The following TRIM14 variants were observed in gnomAD, a reference collection of about 807,000 sequenced individuals.
TRIM14 encodes the protein tripartite motif-containing protein 14.
TRIM14 carries 28 observed loss-of-function variants against 44.5 expected under a neutral mutation model. The observed-to-expected ratio is 0.63, with a 90% CI of 0.47 to 0.86. The LOEUF (loss-of-function observed/expected upper bound fraction) is 0.86. Ranked by LOEUF, TRIM14 falls within the 40% of genes least tolerant of loss-of-function variation. The pLI is 0.00. For synonymous variants in TRIM14, 299 were observed against 269.2 expected, an observed-to-expected ratio of 1.11 and a Z score of -1.08; for missense variants, 607 against 611.1, an observed-to-expected ratio of 0.99 and a Z score of 0.07.
At chr9:98,060,808 C>G in the TRIM14 span, 3 of 1,613,972 alleles carry the variant, frequency 1.9e-6, no homozygotes, top group Non-Finnish European at 2.5e-6. Context: ...GTGCTAAGTT[C>G]CAGAAGAGTG....
At chr9:98,041,722 G>A in the TRIM14 span, among the ~76,000 whole-genome samples, 293 of 150,404 alleles carry the variant, frequency 1.9e-3, 1 homozygote, top group Middle Eastern at 3.4e-3. Flanking sequence ...TTGTTCTGTC[G>A]CCCAGGCTGG....
At chr9:98,063,070 A>G in the TRIM14 span, among the ~76,000 whole-genome samples, 1 of 150,510 alleles carries the variant, frequency 6.6e-6, no homozygotes. Context: ...CCAAGTATGC[A>G]TGCACCACCA....
chr9:98,036,136 G>A, the TRIM14 span, among the ~76,000 whole-genome samples: 2 of 151,820 alleles, frequency 1.3e-5, no homozygotes, highest in Non-Finnish European at 2.9e-5. Context: ...AGCGGAGGTT[G>A]CAGTGAGCAG....
chr9:98,050,750 T>C, the TRIM14 span, among the ~76,000 whole-genome samples: 1 of 152,124 alleles, frequency 6.6e-6, no homozygotes, highest in East Asian at 1.9e-4. Context: ...CAGCGTGTCA[T>C]TCATAGGTTA....
chr9:98,042,629 T>A, the TRIM14 span, among the ~76,000 whole-genome samples: 1 of 152,334 alleles, frequency 6.6e-6, no homozygotes, highest in African/African-American at 2.4e-5. Context: ...CCCAGCACTT[T>A]GGGAGGCCGA....
At chr9:98,089,187 T>G (rs574817817) in intron 5 of TRIM14, among the ~76,000 whole-genome samples, 4 of 152,184 alleles carry the variant, frequency 2.6e-5, no homozygotes, top group Middle Eastern at 3.4e-3. Context: ...TTATTTTTAT[T>G]TTTTTTAAGA....
chr9:98,102,971 G>A (rs1213784437), intron 2 of TRIM14, among the ~76,000 whole-genome samples: 1 of 152,146 alleles, frequency 6.6e-6, no homozygotes, highest in East Asian at 1.9e-4. Context: ...CAGATCATGA[G>A]GTCAGGAGTT....
At position 98,119,118 on chromosome 9, in the gene TRIM14, C is replaced by A; in HGVS notation, c.71G>T (p.Cys24Phe). The change falls in exon 1 of 6, where the codon TGC (cysteine) becomes TTC (phenylalanine). Residue 24 changes from cysteine to phenylalanine, a missense_variant. Physicochemically the swap from Cys to Phe is radical, Grantham distance 205. Coordinates refer to ENST00000341469, the MANE Select transcript of TRIM14 (RefSeq NM_014788.4). ...SELVEGCGWR[C>F]PEHGDRVAEL... Reference sequence around the variant, plus strand: ...AGCCACGCGGTCGCCATGCTCCGGGCAGCGCCAGCCGCATCCCTCGACAAG... The same window carrying A: ...AGCCACGCGGTCGCCATGCTCCGGGAAGCGCCAGCCGCATCCCTCGACAAG... 1 of 1,587,138 alleles carries A rather than the reference C, an allele frequency of 6.3e-7. No individual in the cohort carries two copies. Among genetic ancestry groups the A allele is most frequent in the Non-Finnish European group, 8.5e-7 (1 of 1,176,128 alleles).
At chr9:98,118,770 A>T (rs556856096) in intron 1 of TRIM14, among the ~76,000 whole-genome samples, 1 of 152,198 alleles carries the variant, frequency 6.6e-6, no homozygotes, top group African/African-American at 2.4e-5. Flanking sequence ...CTGAAGCTCA[A>T]CTGATGGCTT....
At chr9:98,107,215 G>A (rs1826647659) in intron 2 of TRIM14, among the ~76,000 whole-genome samples, 2 of 152,164 alleles carry the variant, frequency 1.3e-5, no homozygotes, top group African/African-American at 4.8e-5. Context: ...AACCACTCTG[G>A]AAAAGCGTTT....
downstream of TRIM14, chr9:98,080,862 A>G: frequency 6.2e-7 from 1 of 1,612,094 alleles, no homozygotes; most frequent in Non-Finnish European, 8.5e-7. Context: ...TATTCTGGGC[A>G]TGAAACAGGC....
At chr9:98,076,706 C>T (rs114643249) in intron 6 of TRIM14, 20 of 531,808 alleles carry the variant, frequency 3.8e-5, no homozygotes, top group African/African-American at 2.6e-4. Context: ...CAGCACCAAA[C>T]GTTTGTTGGG....
the TRIM14 span, chr9:98,060,747 A>G: frequency 3.1e-6 from 5 of 1,603,102 alleles, no homozygotes; most frequent in Non-Finnish European, 4.3e-6. Flanking sequence ...AGAATCTACG[A>G]CAGTCACTGA....
chr9:98,054,307 A>G, the TRIM14 span, among the ~76,000 whole-genome samples: 1 of 152,172 alleles, frequency 6.6e-6, no homozygotes, highest in South Asian at 2.1e-4. Context: ...CTAACCAAGA[A>G]TTCCAAGAGT....
At chr9:98,059,148 C>T in the TRIM14 span, among the ~76,000 whole-genome samples, 5 of 151,748 alleles carry the variant, frequency 3.3e-5, no homozygotes, top group East Asian at 1.9e-4. Context: ...CTCAGCCTCC[C>T]GAGTAGCTGG....
At chr9:98,088,408 G>A (rs771399551) in intron 5 of TRIM14, among the ~76,000 whole-genome samples, 1 of 151,668 alleles carries the variant, frequency 6.6e-6, no homozygotes, top group Non-Finnish European at 1.5e-5. Context: ...AGGCTGGAGT[G>A]CAGTGGCGCG....
At chr9:98,108,776 G>A (rs532680414) in intron 2 of TRIM14, among the ~76,000 whole-genome samples, 60 of 151,918 alleles carry the variant, frequency 3.9e-4, no homozygotes, top group Admixed American at 1.2e-3. Context: ...AGGCAAATGT[G>A]GGAGCCAATT....
intron 5 of TRIM14, among the ~76,000 whole-genome samples, chr9:98,089,697 C>T (rs549598115): frequency 5.4e-4 from 82 of 152,318 alleles, no homozygotes; most frequent in African/African-American, 1.9e-3. Flanking sequence ...CACATTACAA[C>T]CTAGTTCTGC....
At position 98,094,892 on chromosome 9, in the gene TRIM14, C is replaced by T. The variant is rs760786474; in HGVS notation, c.675G>A (p.Thr225=). 18 of 1,613,938 alleles carry T rather than the reference C, an allele frequency of 1.1e-5. No individual in the cohort carries two copies. Among genetic ancestry groups the T allele is most frequent in the Middle Eastern group, 1.6e-4 (1 of 6,084 alleles). ...TTTCCTTAAGGCGAATGTCCAATGG[C>T]GTCTGTAATGTACTCTCCACGGCTT... The part of the protein sequence containing the change: ...LVEAVESTLQ[T]PLDIRLKESI... The change falls in exon 4 of 6, where the codon ACG becomes ACA. Residue 225 remains threonine, a synonymous_variant. Transcript: ENST00000341469.
Sources: allele counts gnomAD v4.1 joint callset (sites outside exome capture counted in the v4.1 genomes callset), GRCh38; gene constraint gnomAD v4.1.1; transcripts MANE v1.5; gene names NCBI Gene and HGNC (gene_info 2026-07-23, HGNC 2026-07-21).